Variants in NBAS observed in about 807,000 individuals in gnomAD.
NBAS encodes NAG/BC035112 fusion.
Under a neutral mutation model 302.5 loss-of-function variants are expected in NBAS, and 219 were observed. The observed-to-expected ratio is 0.72, with a 90% CI of 0.65 to 0.81. The LOEUF is 0.81. NBAS is among the 30% of genes least tolerant of loss of function. The pLI, the probability that NBAS is intolerant of heterozygous loss-of-function variation, is 0.00. For missense variants in NBAS, 2,932 were observed against 2,841.6 expected (o/e 1.03, Z -0.72); for synonymous variants, 1,118 against 1,021.6 (o/e 1.09, Z -1.80).
the NBAS span, among the ~76,000 whole-genome samples, chr2:15,112,751 A>T: frequency 9.1e-4 from 4 of 4,378 alleles, no homozygotes; most frequent in East Asian, 0.019. Flanking sequence ...AAGGAAAAAA[A>T]ATATAAACCG....
chr2:14,859,299 A>G, the NBAS span, among the ~76,000 whole-genome samples: 2 of 152,040 alleles, frequency 1.3e-5, no homozygotes, highest in Middle Eastern at 3.2e-3. Flanking sequence ...CTATCAAAAT[A>G]CTGATGACAT....
At chr2:15,040,193 CAG>C in the NBAS span, among the ~76,000 whole-genome samples, 1 of 152,152 alleles carries the variant, frequency 6.6e-6, no homozygotes, top group African/African-American at 2.4e-5. Context: ...TTCTCCGCTG[CAG>C]AGTCATAGTC....
intron 51 of NBAS, among the ~76,000 whole-genome samples, chr2:15,174,158 CT>C (rs1341748667): frequency 6.6e-6 from 1 of 152,212 alleles, no homozygotes; most frequent in Non-Finnish European, 1.5e-5. Flanking sequence ...ATACCCACAA[CT>C]TTGAAACCTG....
intron 48 of NBAS, among the ~76,000 whole-genome samples, chr2:15,194,080 A>T (rs78134441): frequency 7.9e-5 from 12 of 152,102 alleles, no homozygotes; most frequent in African/African-American, 2.9e-4. Context: ...CCAGAGCTCA[A>T]GCAGACCCAT....
chr2:15,139,457 C>G, the NBAS span, among the ~76,000 whole-genome samples: 1 of 151,964 alleles, frequency 6.6e-6, no homozygotes, highest in Non-Finnish European at 1.5e-5. Context: ...ATATGAGTTA[C>G]TGCTTTTTAC....
chr2:15,364,499 C>A (rs978431663), intron 32 of NBAS, among the ~76,000 whole-genome samples: 5 of 152,154 alleles, frequency 3.3e-5, no homozygotes, highest in African/African-American at 1.2e-4. Context: ...CCATTGCACT[C>A]CAGCCTGGGC....
intron 48 of NBAS, among the ~76,000 whole-genome samples, chr2:15,209,614 C>T (rs1049134657): frequency 6.6e-6 from 1 of 151,932 alleles, no homozygotes; most frequent in African/African-American, 2.4e-5. Context: ...TAAAGAAATA[C>T]AAAAAACAAT....
At chr2:15,147,182 A>G in the NBAS span, among the ~76,000 whole-genome samples, 1 of 152,152 alleles carries the variant, frequency 6.6e-6, no homozygotes. Flanking sequence ...ATTGTATTCA[A>G]GAAAAGGAGA....
At chr2:15,098,655 ATATATTATATACAT>A in the NBAS span, among the ~76,000 whole-genome samples, 3 of 119,708 alleles carry the variant, frequency 2.5e-5, no homozygotes, top group Non-Finnish European at 5.1e-5. Flanking sequence ...ATTGTATATA[ATATATTATATACAT>A]TATATTATAT....
At chr2:15,372,901 T>C (rs1039439292) in intron 31 of NBAS, among the ~76,000 whole-genome samples, 7 of 152,112 alleles carry the variant, frequency 4.6e-5, no homozygotes, top group Non-Finnish European at 8.8e-5. Context: ...GGGTGGACTG[T>C]AAGAAAATGT....
At chr2:15,160,554 C>G in the NBAS span, among the ~76,000 whole-genome samples, 1 of 130,516 alleles carries the variant, frequency 7.7e-6, no homozygotes, top group Admixed American at 1.0e-4. Flanking sequence ...CAGGACCTGC[C>G]AGGAAACTGA....
At chr2:15,288,269 C>A (rs914889334) in intron 41 of NBAS, among the ~76,000 whole-genome samples, 1 of 152,230 alleles carries the variant, frequency 6.6e-6, no homozygotes, top group Non-Finnish European at 1.5e-5. Context: ...GAGGAATTCA[C>A]AGCCTAGTGG....
chr2:15,478,159 CAA>C, intron 13 of NBAS, 65 bp downstream of exon 13: 1 of 1,133,236 alleles, frequency 8.8e-7, no homozygotes, highest in East Asian at 2.4e-5. Context: ...TTATATCATC[CAA>C]AGAGAATCTT....
chr2:14,826,010 G>A, the NBAS span, among the ~76,000 whole-genome samples: 1 of 152,180 alleles, frequency 6.6e-6, no homozygotes, highest in Admixed American at 6.5e-5. Flanking sequence ...GATTCAAATA[G>A]GTTTGGCAAT....
At chr2:14,795,562 T>C in the NBAS span, among the ~76,000 whole-genome samples, 20 of 150,980 alleles carry the variant, frequency 1.3e-4, no homozygotes, top group Non-Finnish European at 2.5e-4. Flanking sequence ...TTCATTTTCT[T>C]AAGTTTCTTT....
chr2:14,794,596 T>C, the NBAS span, among the ~76,000 whole-genome samples: 2 of 152,196 alleles, frequency 1.3e-5, no homozygotes, highest in African/African-American at 4.8e-5. Flanking sequence ...TAAAAACTGC[T>C]TTATTGGGTA....
intron 27 of NBAS, 86 bp from the exon 28 acceptor site, chr2:15,394,435 G>A: frequency 7.7e-6 from 11 of 1,429,234 alleles, no homozygotes; most frequent in South Asian, 2.4e-5. Flanking sequence ...GCCCTTCAGT[G>A]TTTAGTATTA....
chr2:15,339,664 C>T (rs886926572), intron 35 of NBAS, among the ~76,000 whole-genome samples: 1 of 151,130 alleles, frequency 6.6e-6, no homozygotes, highest in Non-Finnish European at 1.5e-5. Flanking sequence ...GTCAGAAAAG[C>T]ATATCAGATA....
chr2:14,856,202 G>T, the NBAS span, among the ~76,000 whole-genome samples: 3 of 152,190 alleles, frequency 2.0e-5, no homozygotes. Flanking sequence ...AATCAAGGCA[G>T]TACCTCTATG....
Sources: allele counts gnomAD v4.1 joint callset (sites outside exome capture counted in the v4.1 genomes callset), GRCh38; gene constraint gnomAD v4.1.1; transcripts MANE v1.5; gene names NCBI Gene and HGNC (gene_info 2026-07-23, HGNC 2026-07-21).